The following DENND5B variants were observed in gnomAD, a reference collection of about 807,000 sequenced individuals.
DENND5B encodes DENN domain containing 5B.
Under a neutral mutation model 140.6 loss-of-function variants are expected in DENND5B, and 34 were observed. The observed-to-expected ratio is 0.24, with a 90% CI of 0.18 to 0.32. The LOEUF (loss-of-function observed/expected upper bound fraction) is 0.32. DENND5B is among the 10% of genes least tolerant of loss of function. The pLI, the probability that DENND5B is intolerant of heterozygous loss-of-function variation, is 1.00. For synonymous variants in DENND5B, 551 were observed against 562.1 expected (o/e 0.98, Z 0.28); for missense variants, 1,142 against 1,560.2 (o/e 0.73, Z 4.52).
intron 1 of DENND5B, among the ~76,000 whole-genome samples, chr12:31,575,988 A>G (rs1949999983): frequency 6.6e-6 from 1 of 151,364 alleles, no homozygotes; most frequent in Non-Finnish European, 1.5e-5. Flanking sequence ...AAGAAAGAAA[A>G]AAGTTAACCA....
intron 1 of DENND5B, among the ~76,000 whole-genome samples, chr12:31,557,420 C>A (rs1175207164): frequency 2.0e-5 from 3 of 151,800 alleles, no homozygotes; most frequent in Admixed American, 6.6e-5. Flanking sequence ...GCTCTGTCAC[C>A]CAGGCTGGAG....
chr12:31,434,052 T>A (rs1395322765), intron 7 of DENND5B, among the ~76,000 whole-genome samples: 8 of 152,186 alleles, frequency 5.3e-5, no homozygotes, highest in Non-Finnish European at 1.2e-4. Flanking sequence ...AGTCTAAGGG[T>A]TGTACTCAAA....
At chr12:31,472,852 A>C (rs1476304679) in intron 3 of DENND5B, among the ~76,000 whole-genome samples, 2 of 152,324 alleles carry the variant, frequency 1.3e-5, no homozygotes, top group Middle Eastern at 3.4e-3. Context: ...CCTAATGCAC[A>C]GGAGTGGGTC....
intron 3 of DENND5B, among the ~76,000 whole-genome samples, chr12:31,474,367 C>G (rs1394575205): frequency 1.3e-5 from 2 of 152,202 alleles, no homozygotes; most frequent in South Asian, 2.1e-4. Context: ...GATTTTCATA[C>G]TGTGCTGCTC....
intron 7 of DENND5B, among the ~76,000 whole-genome samples, chr12:31,439,929 C>CAAAAAAAAAAAAA (rs67272470): frequency 3.8e-5 from 2 of 52,300 alleles, no homozygotes; most frequent in Non-Finnish European, 6.1e-5. Context: ...GACTCCGTCT[C>CAAAAAAAAAAAAA]AAAAAAAAAA....
At chr12:31,440,966 C>T (rs1593172691) in intron 7 of DENND5B, among the ~76,000 whole-genome samples, 2 of 152,164 alleles carry the variant, frequency 1.3e-5, no homozygotes, top group Non-Finnish European at 2.9e-5. Flanking sequence ...TAACTCCTGG[C>T]CTCAAGTGAT....
chr12:31,520,721 T>A lies in DENND5B; in HGVS notation c.128-24802A>T, dbSNP rs187897311. On this transcript the variant is annotated intron_variant, in intron 1 of 20. Coordinates refer to ENST00000389082, the MANE Select transcript of DENND5B (RefSeq NM_144973.4). Reference sequence around the variant, plus strand: ...ATGCCCGGCTAATTTTTGGTATTTTTAATAGAGACAGGGTTTCACTGTGTT... The same window carrying A: ...ATGCCCGGCTAATTTTTGGTATTTTAAATAGAGACAGGGTTTCACTGTGTT... Among the ~76,000 whole-genome samples, 631 of 152,128 alleles carry A rather than the reference T, an allele frequency of 4.1e-3. 5 individuals carry two copies. The highest frequency in any genetic ancestry group is 0.014 in the African/African-American group (575 of 41,506).
chr12:31,553,885 C>A (rs1183014818), intron 1 of DENND5B, among the ~76,000 whole-genome samples: 1 of 152,134 alleles, frequency 6.6e-6, no homozygotes, highest in Admixed American at 6.6e-5. Context: ...AGGATTGCAA[C>A]CCCTGCCTTT....
intron 4 of DENND5B, among the ~76,000 whole-genome samples, chr12:31,456,895 G>A (rs531441335): frequency 2.2e-4 from 34 of 152,172 alleles, no homozygotes; most frequent in Non-Finnish European, 4.6e-4. Flanking sequence ...CCTGGGCAAT[G>A]TAGTGAGACT....
chr12:31,587,642 G>T (rs1950445172), intron 1 of DENND5B, among the ~76,000 whole-genome samples: 1 of 142,638 alleles, frequency 7.0e-6, no homozygotes, highest in South Asian at 2.3e-4. Context: ...CCACCTCCTG[G>T]GTTCAAGCGA....
intron 1 of DENND5B, among the ~76,000 whole-genome samples, chr12:31,588,735 C>G (rs891350535): frequency 1.3e-5 from 2 of 152,178 alleles, no homozygotes; most frequent in Non-Finnish European, 2.9e-5. Context: ...ATTGTATTTT[C>G]ATTATCTCTT....
At chr12:31,508,190 T>C (rs1453822334) in intron 1 of DENND5B, among the ~76,000 whole-genome samples, 1 of 152,156 alleles carries the variant, frequency 6.6e-6, no homozygotes, top group East Asian at 1.9e-4. Context: ...AAACAAACTT[T>C]CCTGCTGCAT....
rs186363619 is a variant in DENND5B at position 31,540,301 on chromosome 12, T to C, written c.128-44382A>G. On this transcript the variant is annotated intron_variant, in intron 1 of 20. Transcript: ENST00000389082. ...AAAATGCCCATTCTCCCCAAAGCAA[T>C]CTACAGATTTCATGCAATCCCTATA... is the stretch of plus-strand genomic sequence containing the variant. Among the ~76,000 whole-genome samples, 358 of 152,220 alleles carry C rather than the reference T, an allele frequency of 2.4e-3. 2 individuals are homozygous for C. The highest frequency in any genetic ancestry group is 0.014 in the Middle Eastern group (4 of 294).
chr12:31,439,520 G>T (rs1004086949), intron 7 of DENND5B, among the ~76,000 whole-genome samples: 1 of 151,780 alleles, frequency 6.6e-6, no homozygotes. Flanking sequence ...TGGAAGCAGA[G>T]ATTTTTGTTG....
rs896544871 is a variant in DENND5B, at chr12:31,383,148, A to G, written c.*4455T>C. 5 of 152,238 alleles carry G rather than the reference A, an allele frequency of 3.3e-5. No individual in the cohort carries two copies. The highest frequency in any genetic ancestry group is 1.3e-4 in the Admixed American group (2 of 15,278). 9.4% of individuals were successfully genotyped at this position (152,238 alleles called of 1,614,324 possible). Reference sequence around the variant, plus strand: ...CTTTTCAACATAGTGAAAAGGATACACTAGTTTCTGTAAACCTCACAGAAA... The same window carrying G: ...CTTTTCAACATAGTGAAAAGGATACGCTAGTTTCTGTAAACCTCACAGAAA... On this transcript the variant is annotated 3_prime_UTR_variant, in exon 21 of 21. Coordinates refer to ENST00000389082, the MANE Select transcript of DENND5B (RefSeq NM_144973.4).
rs577753124 is a variant in DENND5B, at chr12:31,514,897, T to A, written c.128-18978A>T. ...CTGTAATCCCAACACTTTGGGAGGC[T>A]GAAGCAGGAGAATCACTTTGGACCA... is the stretch of plus-strand genomic sequence containing the variant. On this transcript the variant is annotated intron_variant, in intron 1 of 20. Transcript: ENST00000389082. Among the ~76,000 whole-genome samples the A allele has an allele frequency of 5.3e-5, 8 of 152,116 alleles. No homozygotes were observed. The East Asian group carries it at 1.5e-3, about 29-fold the overall frequency.
chr12:31,426,017 G>A (rs1224472200), intron 9 of DENND5B, among the ~76,000 whole-genome samples: 1 of 152,162 alleles, frequency 6.6e-6, no homozygotes, highest in Non-Finnish European at 1.5e-5. Context: ...CAAATTATGA[G>A]TGGCTTAAGA....
At chr12:31,537,438 T>C (rs1182794040) in intron 1 of DENND5B, among the ~76,000 whole-genome samples, 1 of 152,076 alleles carries the variant, frequency 6.6e-6, no homozygotes, top group African/African-American at 2.4e-5. Context: ...GCAAGCATCA[T>C]GGTAACCTCT....
chr12:31,589,145 G>T (rs1950508930), intron 1 of DENND5B, among the ~76,000 whole-genome samples: 1 of 152,170 alleles, frequency 6.6e-6, no homozygotes, highest in Admixed American at 6.5e-5. Flanking sequence ...ACTGACAGAA[G>T]GCCTCCAAGT....
Sources: allele counts gnomAD v4.1 joint callset (sites outside exome capture counted in the v4.1 genomes callset), GRCh38; gene constraint gnomAD v4.1.1; transcripts MANE v1.5; gene names NCBI Gene and HGNC (gene_info 2026-07-23, HGNC 2026-07-21).